The following AXDND1 variants were observed in gnomAD, a reference collection of about 807,000 sequenced individuals.
AXDND1 encodes axonemal dynein light chain domain containing 1.
In AXDND1, 110 loss-of-function variants were observed where a neutral mutation model predicts 137.5. The ratio of observed to expected loss-of-function variants is 0.80; its 90% CI spans 0.69 to 0.94. The LOEUF is 0.94. AXDND1 is among the 40% of genes least tolerant of loss of function. AXDND1 has a pLI of 0.00. For synonymous variants in AXDND1, 414 were observed against 399.7 expected (o/e 1.04, Z -0.43); for missense variants, 1,191 against 1,169.8 (o/e 1.02, Z -0.26).
chr1:179,501,803 C>CACAAAAATCAATTCCAA (rs1339145147), intron 20 of AXDND1, among the ~76,000 whole-genome samples: 9 of 152,068 alleles, frequency 5.9e-5, no homozygotes, highest in Non-Finnish European at 1.2e-4. Flanking sequence ...TTTTACTTCA[C>CACAAAAATCAATTCCAA]ACAAAAATCA....
chr1:179,432,109 A>G (rs1391360419), intron 14 of AXDND1, among the ~76,000 whole-genome samples, 158 bp from the exon 15 acceptor site: 1 of 152,200 alleles, frequency 6.6e-6, no homozygotes, highest in Non-Finnish European at 1.5e-5. Context: ...TACAAATTTA[A>G]TGATAAATAC....
At chr1:179,526,062 G>A (rs1158699890) in intron 22 of AXDND1, among the ~76,000 whole-genome samples, 1 of 151,824 alleles carries the variant, frequency 6.6e-6, no homozygotes, top group African/African-American at 2.4e-5. Flanking sequence ...TTCTCACTCT[G>A]GTACTATTTT....
At chr1:179,537,329 T>G (rs998867853) in intron 25 of AXDND1, among the ~76,000 whole-genome samples, 2 of 152,224 alleles carry the variant, frequency 1.3e-5, no homozygotes, top group African/African-American at 4.8e-5. Flanking sequence ...TGATATTGGC[T>G]GTGGGTTTGT....
intron 20 of AXDND1, among the ~76,000 whole-genome samples, chr1:179,495,097 T>A (rs6425569): frequency 1.3e-5 from 2 of 151,978 alleles, no homozygotes; most frequent in East Asian, 1.9e-4. Flanking sequence ...CCAAACTGCC[T>A]TCATTACTAT....
chr1:179,438,241 C>T (rs1658513441), intron 15 of AXDND1, among the ~76,000 whole-genome samples: 1 of 152,140 alleles, frequency 6.6e-6, no homozygotes, highest in Non-Finnish European at 1.5e-5. Context: ...TCGGCTTTCA[C>T]AAGGTCCCAC....
At position 179,429,626 on chromosome 1, in the gene AXDND1, G is replaced by A; in HGVS notation, c.1332+7G>A. ...CATACTGCTATCAAACAAGGTAAAG[G>A]TCAATTATCTTCAGTTATGGGAAAA... On this transcript the variant is annotated splice_region_variant and intron_variant, in intron 13 of 25. Transcript: ENST00000367618. 2 of 1,514,048 alleles carry A rather than the reference G, an allele frequency of 1.3e-6. No individual in the cohort carries two copies. Among genetic ancestry groups the A allele is most frequent in the Non-Finnish European group, 1.8e-6 (2 of 1,125,296 alleles). 93.8% of individuals were successfully genotyped at this position (1,514,048 alleles called of 1,614,324 possible).
intron 23 of AXDND1, among the ~76,000 whole-genome samples, chr1:179,529,994 T>C (rs1670902434): frequency 6.6e-6 from 1 of 152,254 alleles, no homozygotes; most frequent in East Asian, 1.9e-4. Flanking sequence ...GAGGCAAATA[T>C]GTAAGAGGGA....
In AXDND1 at chr1:179,419,297, A is replaced by ACGCCACTG. The variant is rs1655270993; in HGVS notation, c.1230+8033_1230+8040dup. ...GAGGTGGTTGTAGCGAGCCAAGATC[A>ACGCCACTG]CGCCACTGCACTCCAGCCTGGGCAC... On this transcript the variant is annotated intron_variant, in intron 12 of 25. Coordinates refer to ENST00000367618, the MANE Select transcript of AXDND1 (RefSeq NM_144696.6). Among the ~76,000 whole-genome samples the ACGCCACTG allele has an allele frequency of 3.3e-5, 5 of 152,118 alleles. No individual in the cohort carries two copies. In the South Asian group the frequency reaches 1.0e-3, roughly 32 times the overall value.
At chr1:179,491,178 G>A (rs1329511428) in intron 18 of AXDND1, among the ~76,000 whole-genome samples, 2 of 152,066 alleles carry the variant, frequency 1.3e-5, no homozygotes, top group Non-Finnish European at 2.9e-5. Context: ...ACAAAACTTA[G>A]CCAGGCATGG....
At chr1:179,527,103 T>C (rs1368337601) in intron 22 of AXDND1, among the ~76,000 whole-genome samples, 2 of 152,174 alleles carry the variant, frequency 1.3e-5, no homozygotes, top group African/African-American at 4.8e-5. Flanking sequence ...AGCTACTCCA[T>C]AGACAGAGTA....
chr1:179,406,973 G>A (rs918509098), intron 11 of AXDND1, among the ~76,000 whole-genome samples: 2 of 151,912 alleles, frequency 1.3e-5, no homozygotes, highest in African/African-American at 2.4e-5. Flanking sequence ...CTGTTTGGTG[G>A]TTTTCTGTAG....
At chr1:179,459,705 TTTC>T (rs1335412497) in intron 16 of AXDND1, among the ~76,000 whole-genome samples, 7 of 110,684 alleles carry the variant, frequency 6.3e-5, no homozygotes, top group African/African-American at 1.5e-4. Flanking sequence ...CTTTCTTTCC[TTTC>T]TTTCTTTTTC....
At chr1:179,474,876 C>T (rs937868953) in intron 17 of AXDND1, among the ~76,000 whole-genome samples, 4 of 152,240 alleles carry the variant, frequency 2.6e-5, no homozygotes, top group African/African-American at 7.2e-5. Context: ...CCTCTTATCA[C>T]AGGCCTGGAG....
At chr1:179,460,263 A>G (rs114744994) in intron 16 of AXDND1, among the ~76,000 whole-genome samples, 6,943 of 151,950 alleles carry the variant, frequency 0.046, 244 homozygotes, top group Non-Finnish European at 0.069. Context: ...TCATTGTTCA[A>G]TTCTCACATA....
At chr1:179,545,019 T>G (rs1672520560) in intron 25 of AXDND1, 1 of 152,264 alleles carries the variant, frequency 6.6e-6, no homozygotes, top group Non-Finnish European at 1.5e-5. Context: ...AGAATCTCTA[T>G]TTCTTGCTTT....
intron 16 of AXDND1, among the ~76,000 whole-genome samples, chr1:179,459,971 TTCTTTTTC>T (rs1421247199): frequency 3.6e-5 from 5 of 137,858 alleles, no homozygotes; most frequent in Non-Finnish European, 4.7e-5. Flanking sequence ...CTTTCTTTCT[TTCTTTTTC>T]TTTCTTTCTT....
intron 17 of AXDND1, among the ~76,000 whole-genome samples, chr1:179,481,047 A>G (rs1255199445): frequency 6.6e-6 from 1 of 151,446 alleles, no homozygotes; most frequent in East Asian, 1.9e-4. Context: ...GGTTTGTTAC[A>G]TATGTATACA....
At chr1:179,491,763 C>T in intron 19 of AXDND1, 26 bp downstream of exon 19, 2 of 1,499,786 alleles carry the variant, frequency 1.3e-6, no homozygotes, top group South Asian at 1.4e-5. Context: ...TATTGTTGCC[C>T]TTTTGAAGAA....
chr1:179,386,497 A>G (rs956150879), intron 9 of AXDND1, among the ~76,000 whole-genome samples: 1 of 151,550 alleles, frequency 6.6e-6, no homozygotes, highest in Non-Finnish European at 1.5e-5. Flanking sequence ...ATTTTTGGCT[A>G]TTTCTTTAAG....
Sources: gnomAD v4.1 joint callset for allele counts (sites outside exome capture counted in the v4.1 genomes callset) on GRCh38, gnomAD v4.1.1 for gene constraint, MANE v1.5 for transcripts, NCBI Gene and HGNC (gene_info 2026-07-23, HGNC 2026-07-21) for gene names.